Variants in GPM6B observed in about 807,000 individuals in gnomAD.
GPM6B encodes neuronal membrane glycoprotein M6-b.
Under a neutral mutation model 27.2 loss-of-function variants are expected in GPM6B, and 4 were observed. That is an observed-to-expected ratio of 0.15 (90% confidence interval 0.07 to 0.34). The LOEUF (loss-of-function observed/expected upper bound fraction) is 0.34, where lower values mean the gene tolerates loss of function less well. Ranked by LOEUF, GPM6B falls within the 10% of genes least tolerant of loss-of-function variation. The pLI is 1.00. For synonymous variants in GPM6B, 124 were observed against 103.1 expected (o/e 1.20, Z -1.23); for missense variants, 183 against 261.9 (o/e 0.70, Z 2.08).
At chrX:13,773,618 G>A (rs1339014798) in intron 7 of GPM6B, 2 of 111,637 alleles carry the variant, frequency 1.8e-5, no homozygotes, top group Non-Finnish European at 3.8e-5. Context: ...TTTTGTAAAT[G>A]CCATTATTTC....
intron 1 of GPM6B, among the ~76,000 whole-genome samples, chrX:13,910,234 T>C (rs2050366800): frequency 8.9e-6 from 1 of 112,331 alleles, no homozygotes; most frequent in African/African-American, 3.2e-5. Flanking sequence ...CAACCCTGGC[T>C]GCACATCAGA....
chrX:13,834,282 T>C (rs2049472868), intron 1 of GPM6B, among the ~76,000 whole-genome samples: 1 of 112,572 alleles, frequency 8.9e-6, no homozygotes, highest in Admixed American at 9.4e-5. Flanking sequence ...AAGGCTCAAA[T>C]GCCAAATCTA....
chrX:13,792,460 G>C (rs967768007), intron 2 of GPM6B, among the ~76,000 whole-genome samples: 1 of 111,411 alleles, frequency 9.0e-6, no homozygotes, highest in Non-Finnish European at 1.9e-5. Context: ...GACAGTTTTG[G>C]TTGTTACAAC....
chrX:13,826,520 C>T (rs1246667541), intron 1 of GPM6B, among the ~76,000 whole-genome samples: 1 of 109,205 alleles, frequency 9.2e-6, no homozygotes, highest in Non-Finnish European at 1.9e-5. Flanking sequence ...GCCTGGGCAA[C>T]ATAGAAAGAC....
intron 1 of GPM6B, among the ~76,000 whole-genome samples, chrX:13,810,484 GTGGACCAGAAA>G (rs1335931702): frequency 9.0e-6 from 1 of 111,630 alleles, no homozygotes; most frequent in Non-Finnish European, 1.9e-5. Flanking sequence ...CTGGGACCCT[GTGGACCAGAAA>G]TGGACCTCTA....
At chrX:13,849,089 A>C (rs1000261572) in intron 1 of GPM6B, among the ~76,000 whole-genome samples, 1 of 112,333 alleles carries the variant, frequency 8.9e-6, no homozygotes, top group Admixed American at 9.4e-5. Context: ...AAGCTCATCG[A>C]ATTTTACTGA....
At chrX:13,887,710 G>A (rs1230582045) in intron 1 of GPM6B, among the ~76,000 whole-genome samples, 1 of 111,727 alleles carries the variant, frequency 9.0e-6, no homozygotes, top group Admixed American at 9.5e-5. Flanking sequence ...GGTTTTTAAG[G>A]AAATTAGACT....
intron 1 of GPM6B, among the ~76,000 whole-genome samples, chrX:13,865,880 T>C (rs2049911223): frequency 9.0e-6 from 1 of 111,293 alleles, no homozygotes; most frequent in Admixed American, 9.6e-5. Flanking sequence ...ATAAATCCTG[T>C]CATTTTTGAC....
intron 1 of GPM6B, among the ~76,000 whole-genome samples, chrX:13,851,501 A>G (rs2049717927): frequency 9.0e-6 from 1 of 111,593 alleles, no homozygotes; most frequent in Non-Finnish European, 1.9e-5. Context: ...ATATAAAATC[A>G]TGATTATTCA....
chrX:13,897,792 G>A (rs1310372277), intron 1 of GPM6B, among the ~76,000 whole-genome samples: 1 of 111,954 alleles, frequency 8.9e-6, no homozygotes, highest in Non-Finnish European at 1.9e-5. Context: ...AACAGTGCCA[G>A]CCAGGCGTAC....
chrX:13,846,715 G>T (rs1427978874), intron 1 of GPM6B, among the ~76,000 whole-genome samples: 1 of 106,615 alleles, frequency 9.4e-6, no homozygotes, highest in Non-Finnish European at 1.9e-5. Context: ...GGATGGACTC[G>T]ATCTCCTGAC....
chrX:13,894,480 G>T (rs779540364), intron 1 of GPM6B, among the ~76,000 whole-genome samples: 7 of 112,364 alleles, frequency 6.2e-5, no homozygotes, highest in Admixed American at 2.8e-4. Flanking sequence ...TATAAGGCAG[G>T]TTTTTTCAGC....
At chrX:13,919,560 T>C (rs750414024) in intron 1 of GPM6B, among the ~76,000 whole-genome samples, 4 of 112,223 alleles carry the variant, frequency 3.6e-5, no homozygotes, top group Non-Finnish European at 7.5e-5. Flanking sequence ...GCACCTGACA[T>C]TGAATAATTA....
intron 2 of GPM6B, among the ~76,000 whole-genome samples, chrX:13,788,226 A>G (rs1363957190): frequency 8.9e-6 from 1 of 111,896 alleles, no homozygotes; most frequent in Non-Finnish European, 1.9e-5. Context: ...TTAATTCAGT[A>G]TTTTGTGAAG....
chrX:13,794,596 A>C (rs1285897237), intron 2 of GPM6B, among the ~76,000 whole-genome samples: 2 of 111,824 alleles, frequency 1.8e-5, no homozygotes, highest in Non-Finnish European at 3.8e-5. Context: ...TTGCACAGTA[A>C]AACTGCTGAT....
chrX:13,783,185 C>T (rs2048549810), intron 4 of GPM6B, among the ~76,000 whole-genome samples, 180 bp downstream of exon 4: 1 of 112,534 alleles, frequency 8.9e-6, no homozygotes, highest in African/African-American at 3.2e-5. Context: ...CTTTAGTTTA[C>T]TATCAATAGC....
chrX:13,832,328 G>A (rs760935005), intron 1 of GPM6B, among the ~76,000 whole-genome samples: 18 of 112,361 alleles, frequency 1.6e-4, no homozygotes, highest in African/African-American at 5.5e-4. Context: ...ACAGAAGAAC[G>A]TGACTATCCA....
chrX:13,806,899 G>A (rs1200961535), intron 2 of GPM6B, among the ~76,000 whole-genome samples: 1 of 112,071 alleles, frequency 8.9e-6, no homozygotes, highest in African/African-American at 3.2e-5. Flanking sequence ...CAAAATCACT[G>A]AGTTTTAGCT....
rs775814704 is a variant in GPM6B at position 13,825,653 on chromosome X, CA to C, written c.-197-39846del. ...AAAGCCTGGAATGGAAACCACTTTA[CA>C]GGGGGGCTACAGAAGTTCGGTTGGG... On this transcript the variant is annotated intron_variant, in intron 1 of 6. Coordinates refer to the GPM6B transcript ENST00000398361. Among the ~76,000 whole-genome samples the C allele has an allele frequency of 3.5e-5, 4 of 112,827 alleles. No homozygotes were observed. In the East Asian group the frequency reaches 1.1e-3, roughly 31 times the overall value.
Sources: gnomAD v4.1 joint callset for allele counts (sites outside exome capture counted in the v4.1 genomes callset) on GRCh38, gnomAD v4.1.1 for gene constraint, MANE v1.5 for transcripts, NCBI Gene and HGNC (gene_info 2026-07-23, HGNC 2026-07-21) for gene names.